GSE1: variants seen among roughly 807,000 people sequenced by gnomAD.
GSE1 encodes Gse1 coiled-coil protein.
In GSE1, 32 loss-of-function variants were observed where a neutral mutation model predicts 112.6. That is an observed-to-expected ratio of 0.28 (90% CI 0.21 to 0.38). The LOEUF is 0.38. Ranked by LOEUF, GSE1 falls within the 10% of genes least tolerant of loss-of-function variation. GSE1 has a pLI of 1.00. For synonymous variants in GSE1, 1,115 were observed against 735.6 expected (o/e 1.52, Z -8.35); for missense variants, 2,348 against 1,699.2 (o/e 1.38, Z -6.71).
At position 85,565,402 on chromosome 16, in the gene GSE1, A is replaced by C. The variant is rs185702646; in HGVS notation, c.37+9039A>C. On this transcript the variant is annotated intron_variant, in intron 1 of 2. Coordinates refer to the GSE1 transcript ENST00000635906. Reference sequence around the variant, plus strand: ...CGAGTGAGACTCTGTCTCAAAAAAAAAAACAAAAAAAAACAAAAAAACCAC... The same window carrying C: ...CGAGTGAGACTCTGTCTCAAAAAAACAAACAAAAAAAAACAAAAAAACCAC... Among the ~76,000 whole-genome samples, 637 of 151,168 alleles carry C rather than the reference A, an allele frequency of 4.2e-3. 12 individuals carry two copies. The highest frequency in any genetic ancestry group is 0.015 in the African/African-American group (603 of 40,856).
chr16:85,244,835 A>G (rs1186264275), intron 1 of GSE1, among the ~76,000 whole-genome samples: 1 of 152,092 alleles, frequency 6.6e-6, no homozygotes, highest in Non-Finnish European at 1.5e-5. Context: ...TACTAAAAAT[A>G]CAAAAATTAG....
At chr16:85,521,477 C>G (rs926753610) in intron 2 of GSE1, among the ~76,000 whole-genome samples, 1 of 152,238 alleles carries the variant, frequency 6.6e-6, no homozygotes, top group African/African-American at 2.4e-5. Context: ...AGGGCCCAGC[C>G]TGCGGGCATC....
chr16:85,479,787 C>T (rs750773720), intron 2 of GSE1, among the ~76,000 whole-genome samples: 11 of 152,168 alleles, frequency 7.2e-5, no homozygotes, highest in Non-Finnish European at 1.2e-4. Flanking sequence ...GTGCCAGGTG[C>T]CGGCCTGAAC....
At chr16:85,606,086 G>A (rs2047691464) in intron 1 of GSE1, among the ~76,000 whole-genome samples, 1 of 152,102 alleles carries the variant, frequency 6.6e-6, no homozygotes, top group Non-Finnish European at 1.5e-5. Context: ...CAGAAGTTTC[G>A]GCTCCTGCCC....
chr16:85,451,977 G>A (rs1049858967), intron 2 of GSE1, among the ~76,000 whole-genome samples: 9 of 152,000 alleles, frequency 5.9e-5, no homozygotes, highest in African/African-American at 1.9e-4. Context: ...CCCCCTCACC[G>A]AGTTTCTGGT....
intron 2 of GSE1, among the ~76,000 whole-genome samples, chr16:85,390,177 G>T (rs1010271364): frequency 6.6e-6 from 1 of 152,176 alleles, no homozygotes; most frequent in African/African-American, 2.4e-5. Context: ...ACATACTTCT[G>T]TGTCCCTGAA....
At chr16:85,375,115 G>C (rs947878253) in intron 2 of GSE1, among the ~76,000 whole-genome samples, 4 of 152,198 alleles carry the variant, frequency 2.6e-5, no homozygotes, top group African/African-American at 9.7e-5. Context: ...CACGGGCTGG[G>C]ACTGTAGGAT....
At chr16:85,668,469 C>T (rs760633851) in intron 14 of GSE1, 45 bp downstream of exon 14, 10 of 1,344,702 alleles carry the variant, frequency 7.4e-6, no homozygotes, top group Middle Eastern at 5.2e-4. Context: ...CAGGAAAGTA[C>T]CTTTGGAAAG....
At chr16:85,455,676 T>C (rs1428083862) in intron 2 of GSE1, among the ~76,000 whole-genome samples, 2 of 152,238 alleles carry the variant, frequency 1.3e-5, no homozygotes, top group Non-Finnish European at 2.9e-5. Context: ...CCTGGCGCGC[T>C]GCAAGCTGCC....
intron 1 of GSE1, among the ~76,000 whole-genome samples, chr16:85,590,958 G>A (rs932810656): frequency 3.3e-5 from 5 of 152,204 alleles, no homozygotes; most frequent in African/African-American, 1.2e-4. Context: ...ACGTGCTCTC[G>A]GAGCTGGACC....
intron 1 of GSE1, among the ~76,000 whole-genome samples, chr16:85,223,072 A>G (rs1567620186): frequency 6.6e-6 from 1 of 152,148 alleles, no homozygotes; most frequent in Non-Finnish European, 1.5e-5. Flanking sequence ...GTTCTCAGGT[A>G]CGGGGCCGGC....
chr16:85,600,185 G>C (rs943733526), intron 1 of GSE1, among the ~76,000 whole-genome samples: 14 of 152,216 alleles, frequency 9.2e-5, no homozygotes, highest in African/African-American at 3.1e-4. Flanking sequence ...TGCCACCTTG[G>C]GTTATTCACG....
chr16:85,322,326 A>G (rs894362591), intron 1 of GSE1, among the ~76,000 whole-genome samples: 2 of 152,158 alleles, frequency 1.3e-5, no homozygotes, highest in Non-Finnish European at 1.5e-5. Context: ...CAGTGGGGGA[A>G]GGGGAGCAGC....
chr16:85,542,826 C>T (rs1026457645), intron 2 of GSE1, among the ~76,000 whole-genome samples: 15 of 152,204 alleles, frequency 9.9e-5, no homozygotes, highest in Non-Finnish European at 2.1e-4. Flanking sequence ...CAGGCTGGGG[C>T]TTCTCCCTCC....
At chr16:85,478,882 TC>T in intron 2 of GSE1, among the ~76,000 whole-genome samples, 1 of 62,388 alleles carries the variant, frequency 1.6e-5, no homozygotes, top group Non-Finnish European at 2.7e-5. Context: ...TTTCTTTCTT[TC>T]TTTCTTTCTT....
chr16:85,381,299 A>G (rs2047541271), intron 2 of GSE1, among the ~76,000 whole-genome samples: 1 of 152,034 alleles, frequency 6.6e-6, no homozygotes, highest in Non-Finnish European at 1.5e-5. Flanking sequence ...ATCCCTTTTT[A>G]TGGCCGAATA....
intron 2 of GSE1, among the ~76,000 whole-genome samples, chr16:85,478,859 C>G (rs1254503858): frequency 4.5e-5 from 1 of 22,236 alleles, no homozygotes; most frequent in Non-Finnish European, 7.4e-5. Context: ...TTCTTTCTTT[C>G]TTTCTTTCTT....
upstream of GSE1, among the ~76,000 whole-genome samples, chr16:85,607,582 GC>G (rs2047764852): frequency 6.6e-6 from 1 of 152,244 alleles, no homozygotes. Flanking sequence ...AAGGGAGTTA[GC>G]CGGGCCTTAA....
chr16:85,520,389 C>T (rs2052141267), intron 2 of GSE1, among the ~76,000 whole-genome samples: 2 of 151,902 alleles, frequency 1.3e-5, no homozygotes, highest in African/African-American at 4.8e-5. Context: ...TGAGAGAAGA[C>T]ATGCAGGGTC....
Sources: gnomAD v4.1 joint callset for allele counts (sites outside exome capture counted in the v4.1 genomes callset) on GRCh38, gnomAD v4.1.1 for gene constraint, MANE v1.5 for transcripts, NCBI Gene and HGNC (gene_info 2026-07-23, HGNC 2026-07-21) for gene names.